BBS9: variants seen among roughly 807,000 people sequenced by gnomAD.
BBS9 encodes the protein protein PTHB1.
A neutral mutation model predicts 117.7 loss-of-function variants in BBS9; 89 were observed. The ratio of observed to expected loss-of-function variants is 0.76; its 90% CI spans 0.64 to 0.90. The LOEUF is 0.90. Among genes scored for constraint, BBS9 ranks in the 40% least tolerant of loss-of-function variants. The probability of loss-of-function intolerance (pLI) is 0.00; values close to 1 mark genes in which losing one functional copy is unlikely to be tolerated. For missense variants in BBS9, 982 were observed against 1,042.2 expected (o/e 0.94, Z 0.80); for synonymous variants, 379 against 370.9 (o/e 1.02, Z -0.25).
intron 5 of BBS9, among the ~76,000 whole-genome samples, chr7:33,197,903 A>G (rs887225898): frequency 6.6e-6 from 1 of 151,994 alleles, no homozygotes; most frequent in African/African-American, 2.4e-5. Context: ...TTGTAGAAGA[A>G]TCATATTATA....
chr7:33,267,479 T>A (rs1003358084), intron 7 of BBS9, among the ~76,000 whole-genome samples: 50 of 143,822 alleles, frequency 3.5e-4, no homozygotes, highest in South Asian at 1.3e-3. Flanking sequence ...GTTTTTTTTT[T>A]AAATTCTATT....
intron 21 of BBS9, among the ~76,000 whole-genome samples, chr7:33,621,972 G>T (rs1435955174): frequency 6.6e-6 from 1 of 152,166 alleles, no homozygotes; most frequent in Non-Finnish European, 1.5e-5. Flanking sequence ...CTCTTTGAGG[G>T]GCCAAGGCAG....
chr7:33,365,937 C>T (rs1014524221), intron 16 of BBS9, among the ~76,000 whole-genome samples: 2 of 152,168 alleles, frequency 1.3e-5, no homozygotes, highest in East Asian at 1.9e-4. Context: ...TGTAGGACCT[C>T]GGGTGTGAGC....
intron 9 of BBS9, among the ~76,000 whole-genome samples, chr7:33,331,486 T>G (rs1814030476): frequency 6.6e-6 from 1 of 152,116 alleles, no homozygotes; most frequent in South Asian, 2.1e-4. Context: ...CACTATTTGC[T>G]GATAGTATGA....
intron 9 of BBS9, among the ~76,000 whole-genome samples, chr7:33,284,667 T>C (rs1802545435): frequency 6.6e-6 from 1 of 152,216 alleles, no homozygotes; most frequent in South Asian, 2.1e-4. Context: ...TAATATCTTT[T>C]GGTTGGCTAC....
chr7:33,633,001 C>G (rs957573507), intron 21 of BBS9, among the ~76,000 whole-genome samples: 3 of 152,024 alleles, frequency 2.0e-5, no homozygotes, highest in Non-Finnish European at 4.4e-5. Flanking sequence ...CACTCTAACC[C>G]TTTCTAAAGC....
intron 5 of BBS9, among the ~76,000 whole-genome samples, chr7:33,239,692 A>G (rs1321809989): frequency 6.6e-6 from 1 of 152,120 alleles, no homozygotes; most frequent in Non-Finnish European, 1.5e-5. Flanking sequence ...ATTCTAAAAT[A>G]TTTAATGTCT....
intron 21 of BBS9, among the ~76,000 whole-genome samples, chr7:33,594,637 GA>G (rs1862442596): frequency 6.6e-6 from 1 of 152,088 alleles, no homozygotes; most frequent in Non-Finnish European, 1.5e-5. Flanking sequence ...GAGTAGAGTA[GA>G]AATGGAAATG....
At chr7:33,628,230 A>G (rs1250815952) in intron 21 of BBS9, among the ~76,000 whole-genome samples, 1 of 152,160 alleles carries the variant, frequency 6.6e-6, no homozygotes, top group Non-Finnish European at 1.5e-5. Context: ...GACAATAGCA[A>G]AAGACACAAA....
chr7:33,318,586 T>A (rs1811025760), intron 9 of BBS9, among the ~76,000 whole-genome samples: 2 of 152,172 alleles, frequency 1.3e-5, no homozygotes, highest in Non-Finnish European at 1.5e-5. Flanking sequence ...TTTTAAAAAA[T>A]ATTTTAATTT....
At chr7:33,168,574 G>C (rs1562721147) in intron 4 of BBS9, among the ~76,000 whole-genome samples, 1 of 152,028 alleles carries the variant, frequency 6.6e-6, no homozygotes, top group East Asian at 1.9e-4. Flanking sequence ...AAATACTAAA[G>C]CTAATTTTAA....
chr7:33,506,816 A>C (rs1013325282), intron 20 of BBS9, among the ~76,000 whole-genome samples: 1 of 152,218 alleles, frequency 6.6e-6, no homozygotes, highest in Non-Finnish European at 1.5e-5. Context: ...GGTGAATGAT[A>C]TATTATAAGG....
chr7:33,608,411 G>A (rs928597481), downstream of BBS9, among the ~76,000 whole-genome samples: 1 of 152,034 alleles, frequency 6.6e-6, no homozygotes, highest in African/African-American at 2.4e-5. Context: ...CTCAGTAGTG[G>A]GATGACTAGG....
At chr7:33,344,078 G>GTT (rs34530007) in intron 11 of BBS9, among the ~76,000 whole-genome samples, 1,382 of 67,408 alleles carry the variant, frequency 0.021, 1 homozygote, top group East Asian at 0.037. Context: ...TAGGGGATGA[G>GTT]TTTTTTTTTT....
intron 1 of BBS9, among the ~76,000 whole-genome samples, chr7:33,131,562 C>T (rs1011251613): frequency 3.9e-5 from 6 of 152,142 alleles, no homozygotes; most frequent in African/African-American, 1.4e-4. Context: ...TTTGGTGTGA[C>T]ACTGGCATAA....
chr7:33,256,062 A>G (rs1216785260), intron 5 of BBS9, among the ~76,000 whole-genome samples: 1 of 152,188 alleles, frequency 6.6e-6, no homozygotes, highest in Non-Finnish European at 1.5e-5. Flanking sequence ...CTGAGGTGGG[A>G]GAATCACTTG....
At chr7:33,295,588 A>C (rs182342410) in intron 9 of BBS9, among the ~76,000 whole-genome samples, 1 of 152,072 alleles carries the variant, frequency 6.6e-6, no homozygotes, top group East Asian at 1.9e-4. Flanking sequence ...TGTGGAATTC[A>C]AAAAAACACA....
At chr7:33,407,470 C>G (rs1029658186) in intron 19 of BBS9, among the ~76,000 whole-genome samples, 3 of 152,236 alleles carry the variant, frequency 2.0e-5, no homozygotes, top group Non-Finnish European at 4.4e-5. Context: ...TGTTCCGTTG[C>G]TGGTGAGGAA....
Position 33,157,697 on chromosome 7 carries a change from C to G in BBS9, c.328+1995C>G, listed in dbSNP as rs1794296409. On this transcript the variant is annotated intron_variant, in intron 4 of 22. Coordinates refer to ENST00000242067, the MANE Select transcript of BBS9 (RefSeq NM_198428.3). ...AGACAAACGTGTGAGCTGAACTTGA[C>G]ATCCTTTTCTTCAACTGCTCCCTTC... 4 of 152,300 alleles carry G rather than the reference C, an allele frequency of 2.6e-5. No individual in the cohort carries two copies. In the South Asian group the frequency reaches 8.3e-4, roughly 32 times the overall value. The allele number at this position is 152,300 out of a possible 1,614,324, so 9.4% of individuals were successfully genotyped here. A position where few individuals can be genotyped will look rare whatever the true frequency, so the allele number is the denominator to read the frequency against.
Sources: gnomAD v4.1 joint callset for allele counts (sites outside exome capture counted in the v4.1 genomes callset) on GRCh38, gnomAD v4.1.1 for gene constraint, MANE v1.5 for transcripts, NCBI Gene and HGNC (gene_info 2026-07-23, HGNC 2026-07-21) for gene names.